The following RABGAP1L variants were observed in gnomAD, a reference collection of about 807,000 sequenced individuals.
The protein encoded by RABGAP1L is rab GTPase-activating protein 1-like.
Under a neutral mutation model 137.7 loss-of-function variants are expected in RABGAP1L, and 63 were observed. The observed-to-expected ratio is 0.46, with a 90% CI of 0.37 to 0.56. RABGAP1L has a LOEUF of 0.56. Ranked by LOEUF, RABGAP1L falls within the 20% of genes least tolerant of loss-of-function variation. The pLI is 0.00. For missense variants in RABGAP1L, 1,095 were observed against 1,244.0 expected, an observed-to-expected ratio of 0.88 and a Z score of 1.80; for synonymous variants, 431 against 433.7, an observed-to-expected ratio of 0.99 and a Z score of 0.08.
At chr1:174,465,640 AAAT>A (rs1398977088) in intron 13 of RABGAP1L, among the ~76,000 whole-genome samples, 2 of 152,198 alleles carry the variant, frequency 1.3e-5, no homozygotes, top group Non-Finnish European at 2.9e-5. Context: ...AAGTAAAAAA[AAAT>A]AAGATAATTT....
At chr1:174,688,841 A>T (rs1678661130) in intron 15 of RABGAP1L, among the ~76,000 whole-genome samples, 1 of 152,172 alleles carries the variant, frequency 6.6e-6, no homozygotes, top group Non-Finnish European at 1.5e-5. Flanking sequence ...GTACAACATT[A>T]CATTTGGTAT....
chr1:174,773,432 A>T (rs1686284468), intron 18 of RABGAP1L, among the ~76,000 whole-genome samples: 1 of 152,208 alleles, frequency 6.6e-6, no homozygotes, highest in East Asian at 1.9e-4. Flanking sequence ...TTTTTACGTT[A>T]TACAGCAGGA....
intron 17 of RABGAP1L, among the ~76,000 whole-genome samples, chr1:174,703,583 C>A (rs1003635688): frequency 5.9e-5 from 9 of 152,112 alleles, no homozygotes. Flanking sequence ...ACACTGATTT[C>A]TTTTCCTTTG....
intron 10 of RABGAP1L, among the ~76,000 whole-genome samples, chr1:174,280,047 T>TGGAG (rs202247350): frequency 2.5e-3 from 215 of 87,232 alleles, no homozygotes; most frequent in South Asian, 5.7e-3. Context: ...TCTGTCTGCC[T>TGGAG]GGAGAGAGAG....
At chr1:174,415,335 C>G (rs1208699600) in intron 13 of RABGAP1L, among the ~76,000 whole-genome samples, 7 of 151,986 alleles carry the variant, frequency 4.6e-5, no homozygotes, top group African/African-American at 9.7e-5. Context: ...TTTCTACATA[C>G]AAACATTTTT....
At chr1:174,710,246 A>C (rs933229607) in intron 17 of RABGAP1L, among the ~76,000 whole-genome samples, 16 of 152,206 alleles carry the variant, frequency 1.1e-4, no homozygotes. Context: ...ACTTCAGGAT[A>C]TTATCCAGGA....
chr1:174,376,720 G>A (rs1384885040), intron 12 of RABGAP1L, among the ~76,000 whole-genome samples: 1 of 152,096 alleles, frequency 6.6e-6, no homozygotes, highest in Non-Finnish European at 1.5e-5. Flanking sequence ...TTCTTAACCT[G>A]ATAAAAGGTA....
intron 1 of RABGAP1L, among the ~76,000 whole-genome samples, chr1:174,195,616 T>TTCCTTCCTTC (rs1553251413): frequency 4.0e-4 from 23 of 57,678 alleles, no homozygotes; most frequent in Admixed American, 1.2e-3. Context: ...TTTCTTTCTT[T>TTCCTTCCTTC]CTTCCTTCCT....
Position 174,832,554 on chromosome 1 carries a change from C to G in RABGAP1L, c.2340+20594C>G, listed in dbSNP as rs1692222756. Among the ~76,000 whole-genome samples the G allele has an allele frequency of 2.0e-5, 3 of 147,950 alleles. No homozygotes were observed. In the South Asian group the frequency reaches 6.7e-4, roughly 33 times the overall value. Reference sequence around the variant, plus strand: ...TCCCCACAGAGAGTTGGTGATGGATCTTAGGAACTAAGTGCTATGAGCATG... The same window carrying G: ...TCCCCACAGAGAGTTGGTGATGGATGTTAGGAACTAAGTGCTATGAGCATG... On this transcript the variant is annotated intron_variant, in intron 19 of 25. Coordinates refer to ENST00000681986, the MANE Select transcript of RABGAP1L (RefSeq NM_001366446.1).
chr1:174,708,575 G>T (rs988472966), intron 17 of RABGAP1L, among the ~76,000 whole-genome samples: 4 of 152,172 alleles, frequency 2.6e-5, no homozygotes, highest in African/African-American at 9.7e-5. Context: ...GAGGGAAGCT[G>T]TAAAGTACTC....
chr1:174,384,157 A>T (rs997742650), intron 12 of RABGAP1L, among the ~76,000 whole-genome samples: 2 of 152,244 alleles, frequency 1.3e-5, no homozygotes, highest in African/African-American at 4.8e-5. Flanking sequence ...ATGTTAAGTG[A>T]CCTATGCCAA....
At chr1:174,865,184 A>G (rs1650989856) in intron 19 of RABGAP1L, among the ~76,000 whole-genome samples, 1 of 152,036 alleles carries the variant, frequency 6.6e-6, no homozygotes, top group Non-Finnish European at 1.5e-5. Flanking sequence ...TTAGCAGTAA[A>G]AAGAACACAT....
intron 19 of RABGAP1L, among the ~76,000 whole-genome samples, chr1:174,898,462 T>C (rs1657600521): frequency 6.6e-6 from 1 of 152,236 alleles, no homozygotes; most frequent in Non-Finnish European, 1.5e-5. Context: ...ATCTGAACTT[T>C]TCTAAACTGT....
chr1:174,615,922 C>T (rs1002960007), intron 13 of RABGAP1L, among the ~76,000 whole-genome samples: 31 of 152,226 alleles, frequency 2.0e-4, no homozygotes, highest in African/African-American at 6.8e-4. Flanking sequence ...GTTTTTTAAG[C>T]CCGTTGGAAA....
intron 7 of RABGAP1L, among the ~76,000 whole-genome samples, chr1:174,266,167 A>C (rs1674055682): frequency 6.6e-6 from 1 of 152,204 alleles, no homozygotes; most frequent in Non-Finnish European, 1.5e-5. Flanking sequence ...CAAGTTATTT[A>C]ACTTCTCTGT....
At chr1:174,819,696 G>A (rs1255735017) in intron 19 of RABGAP1L, among the ~76,000 whole-genome samples, 1 of 152,162 alleles carries the variant, frequency 6.6e-6, no homozygotes, top group Non-Finnish European at 1.5e-5. Context: ...TAGAAACTAG[G>A]AGAAGGCCAG....
At chr1:174,906,560 A>G (rs1197762127) in intron 19 of RABGAP1L, among the ~76,000 whole-genome samples, 1 of 152,012 alleles carries the variant, frequency 6.6e-6, no homozygotes, top group Non-Finnish European at 1.5e-5. Context: ...TCTGGGAGGC[A>G]GAGGTTGCAG....
Position 174,202,352 on chromosome 1 carries a change from G to T in RABGAP1L, c.-33-16773G>T, listed in dbSNP as rs544499478. ...TTTAATGATTCCCATTCTAACTGGT[G>T]TGAGATGGTATCTCATTGTGGTTTT... On this transcript the variant is annotated intron_variant, in intron 1 of 25. Transcript: ENST00000681986. Among the ~76,000 whole-genome samples the T allele has an allele frequency of 2.5e-3, 383 of 152,272 alleles. 1 individual carries two copies. The highest frequency in any genetic ancestry group is 4.8e-3 in the Non-Finnish European group (325 of 68,030).
intron 19 of RABGAP1L, among the ~76,000 whole-genome samples, chr1:174,833,444 G>GTATATATATATATATA (rs1692357953): frequency 1.2e-4 from 2 of 17,364 alleles, no homozygotes; most frequent in Admixed American, 1.3e-3. Context: ...GTGTGTGTGT[G>GTATATATATATATATA]TAGAGATATA....
Sources: gnomAD v4.1 joint callset for allele counts (sites outside exome capture counted in the v4.1 genomes callset) on GRCh38, gnomAD v4.1.1 for gene constraint, MANE v1.5 for transcripts, NCBI Gene and HGNC (gene_info 2026-07-23, HGNC 2026-07-21) for gene names.